The following SLC4A4 variants were observed in gnomAD, a reference collection of about 807,000 sequenced individuals.
SLC4A4 encodes the protein electrogenic sodium bicarbonate cotransporter 1.
Under a neutral mutation model 111.5 loss-of-function variants are expected in SLC4A4, and 27 were observed. The ratio of observed to expected loss-of-function variants is 0.24; its 90% confidence interval spans 0.18 to 0.33. The LOEUF is 0.33. Among genes scored for constraint, SLC4A4 ranks in the 10% least tolerant of loss-of-function variants. The pLI is 1.00. For synonymous variants in SLC4A4, 443 were observed against 463.4 expected, an observed-to-expected ratio of 0.96 and a Z score of 0.57; for missense variants, 909 against 1,315.5, an observed-to-expected ratio of 0.69 and a Z score of 4.78.
chr4:71,433,825 G>C (rs183505398), intron 7 of SLC4A4, among the ~76,000 whole-genome samples: 1 of 152,066 alleles, frequency 6.6e-6, no homozygotes, highest in Admixed American at 6.6e-5. Context: ...TTCCAACACT[G>C]CAGAGATATT....
intron 14 of SLC4A4, among the ~76,000 whole-genome samples, chr4:71,480,940 A>C (rs950454771): frequency 3.3e-5 from 5 of 151,776 alleles, no homozygotes; most frequent in African/African-American, 1.2e-4. Flanking sequence ...GATAGCTGAC[A>C]TTCATCCCAG....
At chr4:71,244,980 G>A (rs889200153) in intron 2 of SLC4A4, among the ~76,000 whole-genome samples, 7 of 152,140 alleles carry the variant, frequency 4.6e-5, no homozygotes, top group Non-Finnish European at 8.8e-5. Context: ...TATCACATAC[G>A]TAGGTGAGTT....
intron 3 of SLC4A4, among the ~76,000 whole-genome samples, chr4:71,304,672 A>G (rs1725543922): frequency 6.6e-6 from 1 of 152,214 alleles, no homozygotes; most frequent in South Asian, 2.1e-4. Flanking sequence ...CTTAGTGTGG[A>G]AGTAAGCCAG....
rs190994721 is a variant in SLC4A4, at chr4:71,446,647, A to G, written c.966-999A>G. 1.3e-3 allele frequency among the ~76,000 whole-genome samples: 191 copies of G among 152,324 alleles called. 1 individual carries two copies. The highest frequency in any genetic ancestry group is 4.2e-3 in the African/African-American group (176 of 41,570). ...TACTTTCTTTACTGCAGAGGGTCATATGGAAATGTAAATAAAGTGATGAAT... is the reference window on the plus strand; with the variant it reads ...TACTTTCTTTACTGCAGAGGGTCATGTGGAAATGTAAATAAAGTGATGAAT... On this transcript the variant is annotated intron_variant, in intron 8 of 25. Coordinates refer to ENST00000264485, the MANE Select transcript of SLC4A4 (RefSeq NM_001098484.3).
chr4:71,216,060 C>T (rs1718414532), intron 1 of SLC4A4, among the ~76,000 whole-genome samples: 1 of 152,012 alleles, frequency 6.6e-6, no homozygotes, highest in African/African-American at 2.4e-5. Context: ...AGGCGTGCAC[C>T]ACCAGGCCTG....
At chr4:71,428,093 G>A (rs748371929) in intron 7 of SLC4A4, among the ~76,000 whole-genome samples, 1 of 152,106 alleles carries the variant, frequency 6.6e-6, no homozygotes, top group Admixed American at 6.5e-5. Context: ...GCAGAGAAGA[G>A]GAATAAATAG....
chr4:71,439,371 T>G lies in SLC4A4; in HGVS notation c.808-1245T>G, dbSNP rs371451266. 8.4e-4 allele frequency among the ~76,000 whole-genome samples: 109 copies of G among 129,480 alleles called. 1 individual carries two copies. Among genetic ancestry groups the G allele is most frequent in the Middle Eastern group, 0.011 (2 of 184 alleles). The allele number at this position is 129,480 out of a possible 152,430, so 84.9% of individuals were successfully genotyped here. A position where few individuals can be genotyped will look rare whatever the true frequency, so the allele number is the denominator to read the frequency against. ...TGAACCCGGGAGGCAAAGGTTGCAG[T>G]GAGCCGAGATCGCGCCACTGCACCA... On this transcript the variant is annotated intron_variant, in intron 7 of 25. Transcript: ENST00000264485.
intron 3 of SLC4A4, among the ~76,000 whole-genome samples, chr4:71,328,296 G>T (rs1044561230): frequency 6.6e-6 from 1 of 152,140 alleles, no homozygotes; most frequent in Non-Finnish European, 1.5e-5. Context: ...ATGCATGGGA[G>T]TACAGATATC....
intron 6 of SLC4A4, among the ~76,000 whole-genome samples, chr4:71,381,611 C>A (rs1718150672): frequency 6.6e-6 from 1 of 152,122 alleles, no homozygotes; most frequent in African/African-American, 2.4e-5. Context: ...TCAATTCATT[C>A]ATTCATTTAA....
chr4:71,126,228 C>T (rs1002188031), intron 2 of SLC4A4, among the ~76,000 whole-genome samples: 58 of 152,246 alleles, frequency 3.8e-4, no homozygotes, highest in African/African-American at 1.3e-3. Context: ...TCATGCAAGA[C>T]TAACTTTAAA....
At chr4:71,157,233 T>G (rs895186890) in intron 2 of SLC4A4, among the ~76,000 whole-genome samples, 2 of 152,152 alleles carry the variant, frequency 1.3e-5, no homozygotes, top group African/African-American at 2.4e-5. Flanking sequence ...AATAATTATA[T>G]AAATTGTTAG....
intron 3 of SLC4A4, among the ~76,000 whole-genome samples, chr4:71,257,746 A>G (rs1721562894): frequency 6.6e-6 from 1 of 152,180 alleles, no homozygotes; most frequent in Admixed American, 6.5e-5. Context: ...AGGTTCCCAC[A>G]TGTGTCTGGC....
intron 22 of SLC4A4, 102 bp from the exon 23 acceptor site, chr4:71,559,991 A>G: frequency 1.1e-6 from 1 of 887,454 alleles, no homozygotes. Flanking sequence ...ATCTAGCCTT[A>G]CACAAAGTAG....
chr4:71,526,577 TA>T (rs1293572440), intron 16 of SLC4A4, among the ~76,000 whole-genome samples: 3 of 152,136 alleles, frequency 2.0e-5, no homozygotes, highest in Non-Finnish European at 4.4e-5. Context: ...CATCATATTA[TA>T]CGTATCATTA....
chr4:71,362,427 A>G (rs1186324779), intron 6 of SLC4A4, among the ~76,000 whole-genome samples: 2 of 152,242 alleles, frequency 1.3e-5, no homozygotes, highest in African/African-American at 4.8e-5. Context: ...AAATGTTTAG[A>G]GTGGTAACTG....
In SLC4A4 at chr4:71,440,797, T is replaced by C. The variant is rs376332776; in HGVS notation, c.965+24T>C. 2.5e-6 allele frequency: 4 copies of C among 1,613,116 alleles called. No homozygotes were observed. In the African/African-American group the frequency reaches 5.3e-5, roughly 22 times the overall value. ...AGGTAAGCTGCTCTCCTACCTGGGG[T>C]CTACAATGTGCTAATAGGGTTATCT... On this transcript the variant is annotated intron_variant, in intron 8 of 25. Coordinates refer to ENST00000264485, the MANE Select transcript of SLC4A4 (RefSeq NM_001098484.3).
chr4:71,264,193 T>C (rs951099016), intron 3 of SLC4A4, among the ~76,000 whole-genome samples: 1 of 152,190 alleles, frequency 6.6e-6, no homozygotes, highest in Non-Finnish European at 1.5e-5. Flanking sequence ...AGGATTATGA[T>C]TTACTGATTC....
In SLC4A4 at chr4:71,320,733, G is replaced by GT. The variant is rs756747961; in HGVS notation, c.254-18635dup. On this transcript the variant is annotated intron_variant, in intron 3 of 25. Transcript: ENST00000264485. The stretch of plus-strand genomic sequence containing the variant: ...GGTACTTGATGGATCTAAACAAGGG[G>GT]TTGTCTGAGAAGGCAAAGGAATCTA... Among the ~76,000 whole-genome samples, 112 of 152,078 alleles carry GT rather than the reference G, an allele frequency of 7.4e-4. 1 individual carries two copies. Among genetic ancestry groups the GT allele is most frequent in the Admixed American group, 3.0e-3 (46 of 15,254 alleles).
chr4:71,525,474 A>G (rs1044728054), intron 16 of SLC4A4, among the ~76,000 whole-genome samples: 6 of 152,052 alleles, frequency 3.9e-5, no homozygotes, highest in Non-Finnish European at 8.8e-5. Flanking sequence ...TAGCACATCC[A>G]TGTATCATTT....
Sources: allele counts gnomAD v4.1 joint callset (sites outside exome capture counted in the v4.1 genomes callset), GRCh38; gene constraint gnomAD v4.1.1; transcripts MANE v1.5; gene names NCBI Gene and HGNC (gene_info 2026-07-23, HGNC 2026-07-21).